The following SLC27A2 variants were observed in gnomAD, a reference collection of about 807,000 sequenced individuals.
SLC27A2 encodes solute carrier family 27 member 2.
Under a neutral mutation model 60.0 loss-of-function variants are expected in SLC27A2, and 54 were observed. That is an observed-to-expected ratio of 0.90 (90% CI 0.72 to 1.13). The LOEUF is 1.13. Among genes scored for constraint, SLC27A2 ranks in the 50% most tolerant of loss-of-function variants. The pLI, the probability that SLC27A2 is intolerant of heterozygous loss-of-function variation, is 0.00. For synonymous variants in SLC27A2, 297 were observed against 297.6 expected, an observed-to-expected ratio of 1.00 and a Z score of 0.02; for missense variants, 739 against 777.6, an observed-to-expected ratio of 0.95 and a Z score of 0.59.
chr15:50,210,793 G>T (rs945234030), intron 4 of SLC27A2, among the ~76,000 whole-genome samples: 30 of 152,206 alleles, frequency 2.0e-4, no homozygotes, highest in African/African-American at 7.0e-4. Context: ...GGGCCGTTGA[G>T]GGGGCACGGT....
chr15:50,216,610 G>GTGTGTGTGTGTGTGTATA lies in SLC27A2; in HGVS notation c.973-6354_973-6353insGTGTGTGTGTGTGTATAT, dbSNP rs1323910367. Among the ~76,000 whole-genome samples the GTGTGTGTGTGTGTGTATA allele has an allele frequency of 3.2e-3, 210 of 66,362 alleles. 2 individuals carry two copies. The highest frequency in any genetic ancestry group is 5.1e-3 in the Non-Finnish European group (172 of 33,614). The allele number at this position is 66,362 out of a possible 152,430, so 43.5% of individuals were successfully genotyped here. ...AAGAAACTGTGGTGTGTGTGTGTGT[G>GTGTGTGTGTGTGTGTATA]TATATATATATATATATATATATAT... On this transcript the variant is annotated intron_variant, in intron 4 of 9. Transcript: ENST00000267842.
At chr15:50,206,917 T>C (rs1244082121) in intron 4 of SLC27A2, among the ~76,000 whole-genome samples, 11 of 152,242 alleles carry the variant, frequency 7.2e-5, no homozygotes, top group Non-Finnish European at 1.3e-4. Flanking sequence ...TTCTCGAGGA[T>C]CATCATTAGC....
intron 4 of SLC27A2, among the ~76,000 whole-genome samples, chr15:50,218,060 CAAAAAA>C (rs34661754): frequency 4.7e-5 from 3 of 63,888 alleles, no homozygotes; most frequent in East Asian, 1.2e-3. Flanking sequence ...GACTCTGTCT[CAAAAAA>C]AAAAAAAAAA....
At chr15:50,200,960 G>A (rs2045059217) in intron 2 of SLC27A2, among the ~76,000 whole-genome samples, 1 of 152,162 alleles carries the variant, frequency 6.6e-6, no homozygotes, top group African/African-American at 2.4e-5. Flanking sequence ...CTTATAACTG[G>A]CAATGTGGAA....
At chr15:50,231,297 A>G (rs1287368654) in intron 8 of SLC27A2, among the ~76,000 whole-genome samples, 1 of 151,822 alleles carries the variant, frequency 6.6e-6, no homozygotes, top group African/African-American at 2.4e-5. Flanking sequence ...ACAGGCATGC[A>G]CGACCAGGCC....
At chr15:50,199,965 A>G (rs1307110011) in intron 2 of SLC27A2, among the ~76,000 whole-genome samples, 1 of 152,266 alleles carries the variant, frequency 6.6e-6, no homozygotes, top group Non-Finnish European at 1.5e-5. Context: ...ATTAATTAAA[A>G]GAATTTGTTT....
intron 4 of SLC27A2, among the ~76,000 whole-genome samples, chr15:50,211,158 C>A (rs1463634486): frequency 6.6e-6 from 1 of 152,200 alleles, no homozygotes; most frequent in Admixed American, 6.5e-5. Context: ...GAAAGTACCA[C>A]CTCCTGGCAG....
At chr15:50,207,659 A>C (rs1420226351) in intron 4 of SLC27A2, among the ~76,000 whole-genome samples, 1 of 151,934 alleles carries the variant, frequency 6.6e-6, no homozygotes, top group South Asian at 2.1e-4. Context: ...GCTTGTTGGC[A>C]CGTGCCTGTA....
intron 3 of SLC27A2, among the ~76,000 whole-genome samples, chr15:50,203,668 G>T (rs145934814): frequency 6.6e-6 from 1 of 152,038 alleles, no homozygotes; most frequent in African/African-American, 2.4e-5. Context: ...GTATATGCAT[G>T]CATGTTATGG....
intron 4 of SLC27A2, among the ~76,000 whole-genome samples, chr15:50,207,760 AG>A (rs533317410): frequency 7.5e-4 from 114 of 151,384 alleles, no homozygotes; most frequent in African/African-American, 2.7e-3. Flanking sequence ...ACTGCACTCA[AG>A]CCTGGGCGAC....
intron 1 of SLC27A2, among the ~76,000 whole-genome samples, chr15:50,185,414 C>T (rs1311460124): frequency 6.6e-6 from 1 of 152,126 alleles, no homozygotes; most frequent in African/African-American, 2.4e-5. Context: ...AGCAAAATTA[C>T]AGTCTGTCAC....
chr15:50,187,697 C>T (rs1019266996), intron 1 of SLC27A2, among the ~76,000 whole-genome samples: 7 of 152,152 alleles, frequency 4.6e-5, no homozygotes, highest in Admixed American at 1.3e-4. Flanking sequence ...AGTTATAAAA[C>T]GTTCCAGATT....
chr15:50,182,884 A>G lies in SLC27A2; in HGVS notation c.457A>G (p.Lys153Glu), dbSNP rs574284259. Residue 153 changes from lysine (K) to glutamate (E), a missense_variant, in exon 1 of 10, where the codon AAG becomes GAG. Physicochemically the swap from Lys to Glu is moderately conservative, Grantham distance 56 (BLOSUM62 1). Transcript: ENST00000267842. ...GCACTGCTTCCAGTGCTGCGGGGCG[A>G]AGGTGCTGCTGGTGTCGCCAGGTGA... is the stretch of plus-strand genomic sequence containing the variant. ...LLHCFQCCGA[K>E]VLLVSPELQA... 10 of 1,610,204 alleles carry G rather than the reference A, an allele frequency of 6.2e-6. No individual in the cohort carries two copies. The highest frequency in any genetic ancestry group is 1.7e-5 in the Admixed American group (1 of 59,942).
chr15:50,210,707 T>G (rs1462789275), intron 4 of SLC27A2, among the ~76,000 whole-genome samples: 1 of 152,198 alleles, frequency 6.6e-6, no homozygotes, highest in East Asian at 1.9e-4. Context: ...TAAAGCCCTT[T>G]CTTTAACAGC....
At chr15:50,205,085 C>T (rs111244971) in intron 3 of SLC27A2, among the ~76,000 whole-genome samples, 154 bp from the exon 4 acceptor site, 39 of 152,052 alleles carry the variant, frequency 2.6e-4, no homozygotes, top group African/African-American at 9.2e-4. Context: ...CCATGTCTTA[C>T]TAATTTTTTG....
At chr15:50,221,556 A>G (rs2045242251) in intron 4 of SLC27A2, among the ~76,000 whole-genome samples, 2 of 152,266 alleles carry the variant, frequency 1.3e-5, no homozygotes, top group Admixed American at 6.5e-5. Flanking sequence ...TTTAATTGCC[A>G]TGCCAAAGTC....
intron 4 of SLC27A2, among the ~76,000 whole-genome samples, chr15:50,216,595 G>GTGTGT (rs1555501322): frequency 1.4e-5 from 1 of 69,934 alleles, no homozygotes; most frequent in Non-Finnish European, 3.0e-5. Context: ...AAGAAACTGT[G>GTGTGT]GTGTGTGTGT....
At chr15:50,191,375 C>T (rs2044972776) in intron 1 of SLC27A2, among the ~76,000 whole-genome samples, 1 of 152,180 alleles carries the variant, frequency 6.6e-6, no homozygotes, top group Non-Finnish European at 1.5e-5. Flanking sequence ...TGAAGAGAGA[C>T]ACTTTGCCCA....
chr15:50,187,759 A>T (rs1255072806), intron 1 of SLC27A2, among the ~76,000 whole-genome samples: 2 of 152,196 alleles, frequency 1.3e-5, no homozygotes, highest in African/African-American at 2.4e-5. Flanking sequence ...GACCTCCTTT[A>T]AACAATGTGA....
Sources: gnomAD v4.1 joint callset for allele counts (sites outside exome capture counted in the v4.1 genomes callset) on GRCh38, gnomAD v4.1.1 for gene constraint, MANE v1.5 for transcripts, NCBI Gene and HGNC (gene_info 2026-07-23, HGNC 2026-07-21) for gene names.